The following STARD13 variants were observed in gnomAD, a reference collection of about 807,000 sequenced individuals.
The protein encoded by STARD13 is StAR related lipid transfer domain containing 13, also known as stAR-related lipid transfer protein 13.
STARD13 carries 62 observed loss-of-function variants against 106.4 expected under a neutral mutation model. The ratio of observed to expected loss-of-function variants is 0.58; its 90% confidence interval spans 0.48 to 0.72. The LOEUF (loss-of-function observed/expected upper bound fraction) is 0.72, where lower values mean the gene tolerates loss of function less well. Ranked by LOEUF, STARD13 falls within the 30% of genes least tolerant of loss-of-function variation. The pLI is 0.00. For synonymous variants in STARD13, 565 were observed against 553.0 expected (o/e 1.02, Z -0.31); for missense variants, 1,387 against 1,424.0 (o/e 0.97, Z 0.42).
At chr13:33,601,002 G>T in the STARD13 span, among the ~76,000 whole-genome samples, 1 of 152,054 alleles carries the variant, frequency 6.6e-6, no homozygotes, top group African/African-American at 2.4e-5. Flanking sequence ...TGGATCAAAC[G>T]ATGGAAAATG....
the STARD13 span, among the ~76,000 whole-genome samples, chr13:33,496,104 T>C: frequency 4.9e-5 from 7 of 141,936 alleles, no homozygotes; most frequent in African/African-American, 1.8e-4. Flanking sequence ...TAAATAATTA[T>C]TTAAATAATT....
Position 33,225,377 on chromosome 13 carries a change from C to T in STARD13, c.170-57755G>A, listed in dbSNP as rs575531743. 1.1e-4 allele frequency among the ~76,000 whole-genome samples: 17 copies of T among 152,256 alleles called. No homozygotes were observed. The South Asian group carries it at 2.9e-3, about 26-fold the overall frequency. On this transcript the variant is annotated intron_variant, in intron 1 of 13. Coordinates refer to ENST00000336934, the MANE Select transcript of STARD13 (RefSeq NM_178006.4). ...CAACAAGTCAGTCACCACTTCTGGC[C>T]GCCGTCTGTACATCTGCAGTCCCCC... is the stretch of plus-strand genomic sequence containing the variant.
chr13:33,360,198 G>A, the STARD13 span, among the ~76,000 whole-genome samples: 1 of 144,862 alleles, frequency 6.9e-6, no homozygotes, highest in Non-Finnish European at 1.5e-5. Flanking sequence ...ATAGTTCAAA[G>A]GCAGTCGATT....
chr13:33,161,305 A>C (rs1324637443), intron 3 of STARD13, among the ~76,000 whole-genome samples: 1 of 151,698 alleles, frequency 6.6e-6, no homozygotes, highest in East Asian at 1.9e-4. Flanking sequence ...GGGAGTGAGG[A>C]AACTGTTTTA....
chr13:33,607,469 T>G, the STARD13 span, among the ~76,000 whole-genome samples: 1 of 152,062 alleles, frequency 6.6e-6, no homozygotes, highest in Non-Finnish European at 1.5e-5. Flanking sequence ...GCTAATTTTT[T>G]GTATTTTTAG....
chr13:33,508,891 A>G, the STARD13 span, among the ~76,000 whole-genome samples: 1 of 152,314 alleles, frequency 6.6e-6, no homozygotes, highest in South Asian at 2.1e-4. Flanking sequence ...GATATAGCCT[A>G]TTGCTCCTAG....
chr13:33,110,715 T>C lies in STARD13; in HGVS notation c.2800A>G (p.Thr934Ala), dbSNP rs778200650. Residue 934 changes from threonine to alanine, a missense_variant, in exon 11 of 14, where the codon ACG becomes GCG. Coordinates refer to ENST00000336934, the MANE Select transcript of STARD13 (RefSeq NM_178006.4). ...TTGAAAGCAAGATCTGTATTGTCCG[T>C]GCTGGAGCACGTGACCCATCCTTTG... ...KFKGWVTCSS[T>A]DNTDLAFKKV... 5.6e-6 allele frequency: 9 copies of C among 1,614,134 alleles called. No homozygotes were observed. The highest frequency in any genetic ancestry group is 7.6e-6 in the Non-Finnish European group (9 of 1,180,034).
At chr13:33,447,237 C>T in the STARD13 span, among the ~76,000 whole-genome samples, 1 of 152,204 alleles carries the variant, frequency 6.6e-6, no homozygotes, top group South Asian at 2.1e-4. Flanking sequence ...ACGTCCGTCT[C>T]TTGTACAACT....
chr13:33,420,885 AAAGATGTTCTTTG>A, the STARD13 span, among the ~76,000 whole-genome samples: 1 of 152,240 alleles, frequency 6.6e-6, no homozygotes, highest in African/African-American at 2.4e-5. Flanking sequence ...AGGCAGAAAT[AAAGATGTTCTTTG>A]AAACCAATGA....
chr13:33,490,536 G>A, the STARD13 span, among the ~76,000 whole-genome samples: 1 of 152,128 alleles, frequency 6.6e-6, no homozygotes, highest in African/African-American at 2.4e-5. Flanking sequence ...GAGGAGTTTG[G>A]CTGGGGGTGG....
rs1158453846 is a variant in STARD13, at chr13:33,130,972, C to T, written c.388-683G>A. On this transcript the variant is annotated intron_variant, in intron 4 of 13. Coordinates refer to ENST00000336934, the MANE Select transcript of STARD13 (RefSeq NM_178006.4). The surrounding 1 kb of genome is among the most constrained non-coding windows in gnomAD (Gnocchi z 4.1). ...TGGAATCAACTCCGAGTCAGAATGC[C>T]GTTGGCAGGACGCACACCTCTGTGT... Among the ~76,000 whole-genome samples the T allele has an allele frequency of 6.6e-6, 1 of 152,310 alleles. No homozygotes were observed.
intron 1 of STARD13, among the ~76,000 whole-genome samples, chr13:33,223,036 G>A (rs1888438988): frequency 6.6e-6 from 1 of 152,320 alleles, no homozygotes. Context: ...TGCTACTCAG[G>A]ATCACTGAAG....
chr13:33,428,967 A>G, the STARD13 span, among the ~76,000 whole-genome samples: 2 of 152,206 alleles, frequency 1.3e-5, no homozygotes, highest in East Asian at 3.8e-4. Flanking sequence ...TCAAAACTAC[A>G]ATGAGATATC....
At chr13:33,303,255 T>A (rs7997201) in intron 1 of STARD13, among the ~76,000 whole-genome samples, 145,557 of 152,216 alleles carry the variant, frequency 0.96, 69,935 homozygotes, top group East Asian at 1. Context: ...TCTTATATGA[T>A]AAACTTCTTG....
At chr13:33,242,728 A>G (rs1889592990) in intron 1 of STARD13, among the ~76,000 whole-genome samples, 1 of 152,050 alleles carries the variant, frequency 6.6e-6, no homozygotes, top group Non-Finnish European at 1.5e-5. Context: ...TCTCCAAGAA[A>G]CACCCAAGAA....
At chr13:33,649,785 A>G in the STARD13 span, among the ~76,000 whole-genome samples, 2 of 152,198 alleles carry the variant, frequency 1.3e-5, no homozygotes, top group African/African-American at 4.8e-5. Flanking sequence ...TCTCAGGCAA[A>G]TAGGAAGAAG....
chr13:33,403,639 C>T, the STARD13 span, among the ~76,000 whole-genome samples: 1 of 152,198 alleles, frequency 6.6e-6, no homozygotes, highest in African/African-American at 2.4e-5. Flanking sequence ...GAAACCTAGA[C>T]ATGACTTCAA....
At chr13:33,186,219 T>A in intron 1 of STARD13, 1 of 604,778 alleles carries the variant, frequency 1.7e-6, no homozygotes, top group Non-Finnish European at 2.8e-6. Flanking sequence ...ATCACAGCCT[T>A]AAAATAAAGT....
At chr13:33,172,672 C>T (rs867624897) in intron 1 of STARD13, among the ~76,000 whole-genome samples, 2 of 152,134 alleles carry the variant, frequency 1.3e-5, no homozygotes, top group East Asian at 1.9e-4. Flanking sequence ...TTTTGTTTTA[C>T]GTTTTTCTCA....
Sources: gnomAD v4.1 joint callset for allele counts (sites outside exome capture counted in the v4.1 genomes callset) on GRCh38, gnomAD v4.1.1 for gene constraint, Gnocchi (gnomAD v3.1) non-coding constraint, MANE v1.5 for transcripts, NCBI Gene and HGNC (gene_info 2026-07-23, HGNC 2026-07-21) for gene names.